Variants in ADAMTS7 observed in about 807,000 individuals in gnomAD.
The protein encoded by ADAMTS7 is A disintegrin and metalloproteinase with thrombospondin motifs 7.
A neutral mutation model predicts 172.6 loss-of-function variants in ADAMTS7; 89 were observed. The ratio of observed to expected loss-of-function variants is 0.52; its 90% CI spans 0.43 to 0.61. The LOEUF is 0.61. Ranked by LOEUF, ADAMTS7 falls within the 20% of genes least tolerant of loss-of-function variation. The probability of loss-of-function intolerance (pLI) is 0.00; values close to 1 mark genes in which losing one functional copy is unlikely to be tolerated. For missense variants in ADAMTS7, 1,973 were observed against 2,355.6 expected (o/e 0.84, Z 3.36); for synonymous variants, 885 against 978.4 (o/e 0.90, Z 1.78).
rs780429417 is a variant in ADAMTS7, at chr15:78,766,921, G to A, written c.2990C>T (p.Pro997Leu). 1 of 1,610,628 alleles carries A rather than the reference G, an allele frequency of 6.2e-7. No homozygotes were observed. Among genetic ancestry groups the A allele is most frequent in the East Asian group, 2.2e-5 (1 of 44,878 alleles). ...VTCSLPLCRW[P>L]LGTLGPEGSG... Reference sequence around the variant, plus strand: ...GCCTTCAGGGCCCAGTGTGCCCAGGGGCCACCGACAGAGTGGCAGAGAGCA... The same window carrying A: ...GCCTTCAGGGCCCAGTGTGCCCAGGAGCCACCGACAGAGTGGCAGAGAGCA... The change falls in exon 19 of 24, where the codon CCC (proline) becomes CTC (leucine). Residue 997 changes from proline (P) to leucine (L), a missense_variant. Pro to Leu is a moderately conservative substitution (Grantham distance 98, BLOSUM62 -3). Around this residue, in one of 8 missense-constraint regions of ADAMTS7, gnomAD observed 771 missense variants for 952.6 expected, o/e 0.81. Coordinates refer to ENST00000388820, the MANE Select transcript of ADAMTS7 (RefSeq NM_014272.5).
intron 4 of ADAMTS7, among the ~76,000 whole-genome samples, chr15:78,793,915 G>A (rs764567913): frequency 2.0e-5 from 3 of 152,178 alleles, no homozygotes; most frequent in East Asian, 1.9e-4. Flanking sequence ...TACTAGCTGC[G>A]TGACCTTGAG....
intron 4 of ADAMTS7, among the ~76,000 whole-genome samples, chr15:78,791,699 G>A (rs1209741809): frequency 2.6e-5 from 4 of 152,230 alleles, no homozygotes; most frequent in African/African-American, 9.6e-5. Flanking sequence ...ACCCTCCAAT[G>A]AGGCATAGAA....
chr15:78,796,612 T>C lies in ADAMTS7; in HGVS notation c.797A>G (p.Tyr266Cys). Reference sequence around the variant, plus strand: ...CACCATGTTCATGATGGTCAGCACATAGCTCTCAACCTGCGGCTGTCCGTG... The same window carrying C: ...CACCATGTTCATGATGGTCAGCACACAGCTCTCAACCTGCGGCTGTCCGTG... Reference protein sequence around the residue: ...EYHGQPQVESYVLTIMNMVAG... With the variant: ...EYHGQPQVESCVLTIMNMVAG... Residue 266 changes from tyrosine (Y) to cysteine (C), a missense_variant, in exon 4 of 24, where the codon TAT becomes TGT. Coordinates refer to ENST00000388820, the MANE Select transcript of ADAMTS7 (RefSeq NM_014272.5). The C allele has an allele frequency of 1.2e-6, 2 of 1,609,698 alleles. No homozygotes were observed. Among genetic ancestry groups the C allele is most frequent in the Non-Finnish European group, 1.7e-6 (2 of 1,177,500 alleles).
At chr15:78,792,793 G>A (rs534706606) in intron 4 of ADAMTS7, among the ~76,000 whole-genome samples, 5 of 152,278 alleles carry the variant, frequency 3.3e-5, no homozygotes, top group South Asian at 2.1e-4. Context: ...CGACCTGGGC[G>A]ACAGAGCAAG....
intron 8 of ADAMTS7, among the ~76,000 whole-genome samples, chr15:78,784,408 GGGGAGGGA>G (rs145739330): frequency 1.2e-4 from 12 of 99,626 alleles, no homozygotes; most frequent in Non-Finnish European, 1.9e-4. Context: ...GAGGAAGAGG[GGGGAGGGA>G]GGGAGGGAGG....
chr15:78,759,864 G>A (rs1318811974), intron 23 of ADAMTS7, among the ~76,000 whole-genome samples: 2 of 152,184 alleles, frequency 1.3e-5, no homozygotes, highest in African/African-American at 2.4e-5. Flanking sequence ...GCCTGTTAAA[G>A]AGCCTGCCCA....
intron 1 of ADAMTS7, among the ~76,000 whole-genome samples, chr15:78,809,877 G>A (rs2055842251): frequency 6.6e-6 from 1 of 152,236 alleles, no homozygotes; most frequent in Non-Finnish European, 1.5e-5. Context: ...CGGTTGTTGT[G>A]GAGATGATGA....
chr15:78,801,179 T>C (rs1287940238), intron 1 of ADAMTS7, among the ~76,000 whole-genome samples: 1 of 152,218 alleles, frequency 6.6e-6, no homozygotes, highest in Non-Finnish European at 1.5e-5. Flanking sequence ...CGTCTTACTC[T>C]GCTCATCGTC....
chr15:78,806,127 CAAAAAAA>C (rs1169680816), intron 1 of ADAMTS7, among the ~76,000 whole-genome samples: 387 of 23,108 alleles, frequency 0.017, 1 homozygote, highest in South Asian at 0.03. Flanking sequence ...CACACACACA[CAAAAAAA>C]AAAAAAAAAA....
At position 78,765,642 on chromosome 15, in the gene ADAMTS7, T is replaced by C. The variant is rs750570700; in HGVS notation, c.4266+3A>G. 1.1e-5 allele frequency: 17 copies of C among 1,607,498 alleles called. No individual in the cohort carries two copies. The African/African-American group carries it at 1.1e-4, about 10-fold the overall frequency. ...CCCTGCCCGCCCAGCCCACACCACT[T>C]GCCTCGCTCCAGTTTCCCGCTTGCC... On this transcript the variant is annotated splice_donor_region_variant and intron_variant, in intron 19 of 23. Transcript: ENST00000388820.
At chr15:78,764,802 C>T (rs950319764) in intron 19 of ADAMTS7, 95 bp from the exon 20 acceptor site, 6 of 1,315,600 alleles carry the variant, frequency 4.6e-6, no homozygotes, top group Non-Finnish European at 5.9e-6. Flanking sequence ...GAGACCTCAG[C>T]AAGACAGGGG....
At chr15:78,804,197 C>A (rs971734837) in intron 1 of ADAMTS7, among the ~76,000 whole-genome samples, 35 of 152,232 alleles carry the variant, frequency 2.3e-4, no homozygotes, top group African/African-American at 7.7e-4. Context: ...TCTCAACAGT[C>A]CATCCCTTAC....
chr15:78,788,053 A>T (rs541201538), intron 8 of ADAMTS7, among the ~76,000 whole-genome samples, 178 bp downstream of exon 8: 10 of 151,634 alleles, frequency 6.6e-5, no homozygotes, highest in Admixed American at 2.6e-4. Flanking sequence ...GTTTCCCTCT[A>T]CCCTGGCCCT....
At chr15:78,805,184 G>A (rs1057012217) in intron 1 of ADAMTS7, among the ~76,000 whole-genome samples, 3 of 152,236 alleles carry the variant, frequency 2.0e-5, no homozygotes, top group Non-Finnish European at 4.4e-5. Flanking sequence ...GATGATTTAA[G>A]GCGACTTCTT....
At position 78,766,904 on chromosome 15, in the gene ADAMTS7, G is replaced by T. The variant is rs768131112; in HGVS notation, c.3007C>A (p.Pro1003Thr). The change falls in exon 19 of 24, where the codon CCT (proline) becomes ACT (threonine). Residue 1003 changes from proline (P) to threonine (T), a missense_variant. Pro to Thr is a conservative substitution (Grantham distance 38). This residue lies in a region of ADAMTS7 where 771 missense variants were observed against 952.6 expected (regional missense o/e 0.81). Coordinates refer to ENST00000388820, the MANE Select transcript of ADAMTS7 (RefSeq NM_014272.5). ...LCRWPLGTLG[P>T]EGSGSGSSSH... ...GAGGAGCCGCTGCCTGAGCCTTCAG[G>T]GCCCAGTGTGCCCAGGGGCCACCGA... 12 of 1,609,882 alleles carry T rather than the reference G, an allele frequency of 7.5e-6. No individual in the cohort carries two copies. The African/African-American group carries it at 1.6e-4, about 22-fold the overall frequency.
Position 78,765,732 on chromosome 15 carries a change from C to A in ADAMTS7, c.4179G>T (p.Pro1393=), listed in dbSNP as rs2929157. 2.9e-5 allele frequency: 47 copies of A among 1,610,204 alleles called. No individual in the cohort carries two copies. The Middle Eastern group carries it at 1.6e-3, about 54-fold the overall frequency. The change falls in exon 19 of 24, where the codon CCG becomes CCT. Residue 1393 remains proline, a synonymous_variant. Transcript: ENST00000388820. ...ANSHRVPETQ[P]LAPSLAEAGP... Reference sequence around the variant, plus strand: ...CCGCTTCAGCCAGGCTGGGAGCCAGCGGCTGGGTCTCAGGGACTCTGTGGC... The same window carrying A: ...CCGCTTCAGCCAGGCTGGGAGCCAGAGGCTGGGTCTCAGGGACTCTGTGGC...
intron 9 of ADAMTS7, 139 bp from the exon 10 acceptor site, chr15:78,776,980 T>C (rs2055356907): frequency 4.3e-6 from 3 of 694,114 alleles, no homozygotes; most frequent in Non-Finnish European, 7.2e-6. Flanking sequence ...AGGTTCCTTC[T>C]TGTGTGCCTG....
chr15:78,762,936 A>G (rs3934898), intron 22 of ADAMTS7, among the ~76,000 whole-genome samples: 50,650 of 152,134 alleles, frequency 0.33, 8,863 homozygotes, highest in African/African-American at 0.43. Flanking sequence ...GCTGTGCCCG[A>G]GGGACAGGGC....
chr15:78,776,727 C>G lies in ADAMTS7; in HGVS notation c.1560+22G>C, dbSNP rs369186326. On this transcript the variant is annotated intron_variant, in intron 10 of 23. Transcript: ENST00000388820. ...GTCTGGCCTCTCACACACCCACTGC[C>G]GGGACTGGGGACATCCCCTACCTTA... 13 of 1,542,892 alleles carry G rather than the reference C, an allele frequency of 8.4e-6. No homozygotes were observed. The African/African-American group carries it at 1.6e-4, about 20-fold the overall frequency.
Sources: gnomAD v4.1 joint callset for allele counts (sites outside exome capture counted in the v4.1 genomes callset) on GRCh38, gnomAD v4.1.1 for gene constraint, gnomAD v4.1.1 regional missense constraint, MANE v1.5 for transcripts, NCBI Gene and HGNC (gene_info 2026-07-23, HGNC 2026-07-21) for gene names.